Variants in GPR107 observed in about 807,000 individuals in gnomAD.
GPR107 encodes the protein G protein-coupled receptor 107, also known as protein GPR107.
Under a neutral mutation model 75.5 loss-of-function variants are expected in GPR107, and 31 were observed. The observed-to-expected ratio is 0.41, with a 90% CI of 0.31 to 0.55. The LOEUF is 0.55. Among genes scored for constraint, GPR107 ranks in the 20% least tolerant of loss-of-function variants. The probability of loss-of-function intolerance (pLI) is 0.26; values close to 1 mark genes in which losing one functional copy is unlikely to be tolerated. For synonymous variants in GPR107, 267 were observed against 251.3 expected (o/e 1.06, Z -0.59); for missense variants, 572 against 665.7 (o/e 0.86, Z 1.55).
chr9:130,112,196 T>C lies in GPR107; in HGVS notation c.1306+4657T>C, dbSNP rs1178533412. On this transcript the variant is annotated intron_variant, in intron 14 of 17. Transcript: ENST00000347136. The surrounding 1 kb of genome is among the most constrained non-coding windows in gnomAD (Gnocchi z 4.0). ...GTATTCTGAAGAGCCTTAGCTTTCATGTGAGCTTCAGAAGTATTTAAACAA... is the reference window on the plus strand; with the variant it reads ...GTATTCTGAAGAGCCTTAGCTTTCACGTGAGCTTCAGAAGTATTTAAACAA... 6.6e-6 allele frequency among the ~76,000 whole-genome samples: 1 copy of C among 152,222 alleles called. No individual in the cohort carries two copies. Among genetic ancestry groups the C allele is most frequent in the Non-Finnish European group, 1.5e-5 (1 of 68,032 alleles).
rs1286879766 is a variant in GPR107, at chr9:130,140,117, T to G, written c.*4996T>G. The G allele has an allele frequency of 1.3e-5, 2 of 152,120 alleles. No individual in the cohort carries two copies. The highest frequency in any genetic ancestry group is 4.8e-5 in the African/African-American group (2 of 41,404). 9.4% of individuals were successfully genotyped at this position (152,120 alleles called of 1,614,324 possible). ...CGATCATGGTGATGTACGGGGTGAA[T>G]TCTCTTGCCGTGTTGCAAATGTGTA... On this transcript the variant is annotated 3_prime_UTR_variant, in exon 18 of 18. Transcript: ENST00000347136. This position sits in a 1 kb window ranked among gnomAD's most constrained non-coding sequence, Gnocchi z 4.0.
intron 17 of GPR107, among the ~76,000 whole-genome samples, chr9:130,132,564 A>G (rs1252858877): frequency 3.3e-5 from 5 of 152,184 alleles, no homozygotes; most frequent in Non-Finnish European, 7.3e-5. Context: ...AGGCAGGTGG[A>G]TCACCTGAGG....
intron 1 of GPR107, among the ~76,000 whole-genome samples, chr9:130,065,832 A>C (rs1270170477): frequency 2.6e-5 from 4 of 151,784 alleles, no homozygotes; most frequent in Non-Finnish European, 5.9e-5. Context: ...CTTTGCACAA[A>C]TACTGTAGAA....
chr9:130,105,556 T>C (rs1831137847), intron 13 of GPR107, among the ~76,000 whole-genome samples: 1 of 150,534 alleles, frequency 6.6e-6, no homozygotes, highest in Non-Finnish European at 1.5e-5. Flanking sequence ...CGCAGCTGGC[T>C]GAGGTGCTTC....
At chr9:130,096,468 C>CTT (rs34230243) in intron 9 of GPR107, among the ~76,000 whole-genome samples, 14,075 of 122,286 alleles carry the variant, frequency 0.12, 1,694 homozygotes, top group East Asian at 0.43. Context: ...CATTTTTGGA[C>CTT]TTTTTTTTTT....
At chr9:130,080,683 G>A (rs1319262756) in intron 5 of GPR107, among the ~76,000 whole-genome samples, 2 of 151,212 alleles carry the variant, frequency 1.3e-5, no homozygotes, top group Non-Finnish European at 3.0e-5. Flanking sequence ...AGTAGAGACA[G>A]GGTTTCACGG....
intron 1 of GPR107, among the ~76,000 whole-genome samples, chr9:130,060,551 C>T (rs1254340077): frequency 1.3e-5 from 2 of 151,962 alleles, no homozygotes; most frequent in African/African-American, 4.8e-5. Flanking sequence ...TCCAAAGTAG[C>T]TAAGACTACA....
intron 17 of GPR107, chr9:130,129,853 A>G (rs9792549): frequency 0.97 from 148,294 of 152,356 alleles, 72,205 homozygotes; most frequent in East Asian, 1. Flanking sequence ...TTGGGTAGGC[A>G]GCTAGAAGCC....
At position 130,091,717 on chromosome 9, in the gene GPR107, A is replaced by G. The variant is rs1830743811; in HGVS notation, c.730-531A>G. Among the ~76,000 whole-genome samples, 6 of 142,646 alleles carry G rather than the reference A, an allele frequency of 4.2e-5. 1 individual carries two copies. Among genetic ancestry groups the G allele is most frequent in the Admixed American group, 1.4e-4 (2 of 14,010 alleles). The allele number at this position is 142,646 out of a possible 152,430, so 93.6% of individuals were successfully genotyped here. On this transcript the variant is annotated intron_variant, in intron 8 of 17. Coordinates refer to ENST00000347136, the MANE Select transcript of GPR107 (RefSeq NM_020960.5). The stretch of plus-strand genomic sequence containing the variant: ...CTAATTTTTTTTTTTTTTTTTCCAG[A>G]CGGAGTCTTGCTCTGTCACTCAGGT...
intron 1 of GPR107, among the ~76,000 whole-genome samples, chr9:130,070,013 A>ATTTTT (rs1830166620): frequency 9.2e-4 from 15 of 16,278 alleles, no homozygotes; most frequent in African/African-American, 4.0e-3. Context: ...TTTTTTTTTA[A>ATTTTT]ATTTTTTTGA....
intron 14 of GPR107, among the ~76,000 whole-genome samples, chr9:130,124,377 G>A (rs1183685437): frequency 5.9e-5 from 9 of 152,194 alleles, no homozygotes. Context: ...AGCCAGGGAG[G>A]TTGTACTGAA....
chr9:130,115,042 A>G (rs887783654), intron 14 of GPR107, among the ~76,000 whole-genome samples: 1 of 152,228 alleles, frequency 6.6e-6, no homozygotes, highest in African/African-American at 2.4e-5. Flanking sequence ...AGACAAGAGG[A>G]GAAATAATCA....
At chr9:130,061,298 T>C (rs960199204) in intron 1 of GPR107, among the ~76,000 whole-genome samples, 7 of 152,122 alleles carry the variant, frequency 4.6e-5, no homozygotes, top group African/African-American at 1.4e-4. Flanking sequence ...AAAACAGTAT[T>C]GGAACCAAGA....
chr9:130,115,905 T>G (rs1319613616), intron 14 of GPR107, among the ~76,000 whole-genome samples: 2 of 152,180 alleles, frequency 1.3e-5, no homozygotes, highest in East Asian at 3.8e-4. Flanking sequence ...GCCCAGCCAA[T>G]GTGTGTTTTT....
intron 14 of GPR107, among the ~76,000 whole-genome samples, chr9:130,113,107 G>A (rs991145133): frequency 6.6e-6 from 1 of 152,034 alleles, no homozygotes; most frequent in Non-Finnish European, 1.5e-5. Context: ...GGTTTGTGGT[G>A]GACATTTTCT....
intron 13 of GPR107, among the ~76,000 whole-genome samples, chr9:130,105,843 G>A (rs1315065167): frequency 6.7e-6 from 1 of 150,202 alleles, no homozygotes; most frequent in Non-Finnish European, 1.5e-5. Flanking sequence ...CCAATTTTTT[G>A]TAGACAGGGT....
At chr9:130,073,947 A>G (rs1830276801) in intron 1 of GPR107, among the ~76,000 whole-genome samples, 1 of 152,138 alleles carries the variant, frequency 6.6e-6, no homozygotes, top group African/African-American at 2.4e-5. Flanking sequence ...TAGTAGAGAC[A>G]GGGTTTCCCA....
chr9:130,107,704 T>A (rs1296228509), intron 14 of GPR107, among the ~76,000 whole-genome samples, 165 bp downstream of exon 14: 1 of 152,094 alleles, frequency 6.6e-6, no homozygotes, highest in African/African-American at 2.4e-5. Flanking sequence ...CAGGGGTAGT[T>A]TGGAGAAGGA....
At chr9:130,084,598 C>T (rs184436971) in intron 6 of GPR107, among the ~76,000 whole-genome samples, 26 of 151,768 alleles carry the variant, frequency 1.7e-4, no homozygotes, top group Non-Finnish European at 1.6e-4. Flanking sequence ...GGCTACATGG[C>T]GAAACCTTAT....
Sources: gnomAD v4.1 joint callset for allele counts (sites outside exome capture counted in the v4.1 genomes callset) on GRCh38, gnomAD v4.1.1 for gene constraint, Gnocchi (gnomAD v3.1) non-coding constraint, MANE v1.5 for transcripts, NCBI Gene and HGNC (gene_info 2026-07-23, HGNC 2026-07-21) for gene names.